Variants in CCDC144A observed in about 807,000 individuals in gnomAD.
CCDC144A encodes coiled-coil domain-containing protein 144A.
Under a neutral mutation model 143.8 loss-of-function variants are expected in CCDC144A, and 41 were observed. The ratio of observed to expected loss-of-function variants is 0.29; its 90% CI spans 0.22 to 0.37. The LOEUF is 0.37. Among genes scored for constraint, CCDC144A ranks in the 10% least tolerant of loss-of-function variants. The probability of loss-of-function intolerance (pLI) is 1.00; values close to 1 mark genes in which losing one functional copy is unlikely to be tolerated. For synonymous variants in CCDC144A, 242 were observed against 517.9 expected (o/e 0.47, Z 7.23); for missense variants, 637 against 1,488.8 (o/e 0.43, Z 9.41).
chr17:16,701,583 T>G (rs1315767663), intron 2 of CCDC144A, among the ~76,000 whole-genome samples: 1 of 148,184 alleles, frequency 6.7e-6, no homozygotes, highest in Non-Finnish European at 1.5e-5. Context: ...TCCAGACTAG[T>G]CATATAGTTG....
chr17:16,773,978 T>A lies in CCDC144A; in HGVS notation c.*345T>A. The A allele has an allele frequency of 4.5e-6, 1 of 221,690 alleles. No homozygotes were observed. The highest frequency in any genetic ancestry group is 8.3e-6 in the Non-Finnish European group (1 of 119,794). The allele number at this position is 221,690 out of a possible 1,614,324, so 13.7% of individuals were successfully genotyped here. On this transcript the variant is annotated 3_prime_UTR_variant, in exon 17 of 17. Coordinates refer to ENST00000399273, the MANE Select transcript of CCDC144A (RefSeq NM_001382000.1). ...ACATAGTGATAGATTTAAGTTTAGA[T>A]AGACATCATTTTGGTATACTGGTAC...
intron 12 of CCDC144A, among the ~76,000 whole-genome samples, chr17:16,747,123 A>G (rs1033414795): frequency 1.1e-4 from 17 of 152,052 alleles, no homozygotes; most frequent in African/African-American, 3.9e-4. Flanking sequence ...TCTTCTGTGT[A>G]TGGATAATCA....
intron 2 of CCDC144A, among the ~76,000 whole-genome samples, chr17:16,696,675 G>C (rs1911433999): frequency 6.6e-6 from 1 of 151,528 alleles, no homozygotes; most frequent in African/African-American, 2.4e-5. Context: ...AGAAAGAAAT[G>C]AGTAGAACTT....
At chr17:16,678,672 C>T in the CCDC144A span, among the ~76,000 whole-genome samples, 2 of 149,032 alleles carry the variant, frequency 1.3e-5, no homozygotes, top group East Asian at 2.0e-4. Flanking sequence ...CCTTGACCTC[C>T]TGGGCTGTGG....
chr17:16,667,242 G>GGGCTGAGGC, the CCDC144A span: 527 of 234,844 alleles, frequency 2.2e-3, 3 homozygotes, highest in African/African-American at 0.011. Context: ...AGAGGCTGAG[G>GGGCTGAGGC]GGCTGAGGCG....
intron 2 of CCDC144A, among the ~76,000 whole-genome samples, chr17:16,703,789 T>A (rs1460663864): frequency 2.0e-5 from 3 of 151,576 alleles, no homozygotes; most frequent in Admixed American, 6.6e-5. Context: ...GGTGACAGAG[T>A]GAGACTCCAT....
chr17:16,733,743 A>C (rs1913862292), intron 11 of CCDC144A, among the ~76,000 whole-genome samples: 1 of 151,854 alleles, frequency 6.6e-6, no homozygotes, highest in Non-Finnish European at 1.5e-5. Flanking sequence ...AGAGCACTAG[A>C]AGTAAAGTAA....
upstream of CCDC144A, among the ~76,000 whole-genome samples, chr17:16,687,567 T>C (rs1247591950): frequency 1.3e-5 from 2 of 152,150 alleles, no homozygotes; most frequent in African/African-American, 4.8e-5. Flanking sequence ...ATCTCTGCCA[T>C]GTTCTCTTCC....
chr17:16,679,194 A>G, the CCDC144A span, among the ~76,000 whole-genome samples: 2 of 151,990 alleles, frequency 1.3e-5, no homozygotes, highest in African/African-American at 2.4e-5. Flanking sequence ...GTGTTATCCT[A>G]TAAAATTTAG....
intron 16 of CCDC144A, among the ~76,000 whole-genome samples, chr17:16,772,909 G>A (rs1470944414): frequency 6.6e-6 from 1 of 152,220 alleles, no homozygotes; most frequent in African/African-American, 2.4e-5. Context: ...TCTTCATCTT[G>A]TAACTCCAGG....
chr17:16,724,405 C>T (rs1270199052), intron 8 of CCDC144A, among the ~76,000 whole-genome samples: 1 of 150,662 alleles, frequency 6.6e-6, no homozygotes, highest in African/African-American at 2.4e-5. Flanking sequence ...GGCGTGGTGG[C>T]AGGCTGAGGC....
At chr17:16,728,403 CAATAT>C (rs1913538709) in intron 9 of CCDC144A, among the ~76,000 whole-genome samples, 1 of 152,034 alleles carries the variant, frequency 6.6e-6, no homozygotes, top group Non-Finnish European at 1.5e-5. Flanking sequence ...ATAAATTCTC[CAATAT>C]AGAATTATTG....
chr17:16,737,854 C>G (rs1370783392), intron 12 of CCDC144A, among the ~76,000 whole-genome samples: 3 of 152,036 alleles, frequency 2.0e-5, no homozygotes, highest in Non-Finnish European at 2.9e-5. Context: ...TTCATTCTGT[C>G]TTTTTCTCCT....
At chr17:16,725,921 T>A (rs1913392186) in intron 8 of CCDC144A, among the ~76,000 whole-genome samples, 1 of 151,686 alleles carries the variant, frequency 6.6e-6, no homozygotes, top group Non-Finnish European at 1.5e-5. Context: ...TCTTTTTCCC[T>A]CTTTGGGGAC....
At chr17:16,710,363 A>C (rs984539535) in intron 5 of CCDC144A, 1 of 149,452 alleles carries the variant, frequency 6.7e-6, no homozygotes, top group Non-Finnish European at 1.5e-5. Context: ...CTCATCTCTT[A>C]CTAAAAAAAA....
At chr17:16,674,278 G>T in the CCDC144A span, among the ~76,000 whole-genome samples, 18 of 152,052 alleles carry the variant, frequency 1.2e-4, no homozygotes, top group African/African-American at 3.6e-4. Flanking sequence ...GTCCAGGCAT[G>T]GTGGCACCAC....
At chr17:16,671,572 C>CA in the CCDC144A span, among the ~76,000 whole-genome samples, 933 of 152,108 alleles carry the variant, frequency 6.1e-3, 7 homozygotes, top group African/African-American at 0.022. Context: ...CACACACAAA[C>CA]ACTCACAGTG....
intron 12 of CCDC144A, among the ~76,000 whole-genome samples, chr17:16,755,523 G>C (rs1158764739): frequency 6.6e-6 from 1 of 152,010 alleles, no homozygotes; most frequent in Non-Finnish European, 1.5e-5. Flanking sequence ...CATTCCTTCA[G>C]GTTTTGCTTG....
At chr17:16,696,588 C>T (rs1264992092) in intron 2 of CCDC144A, among the ~76,000 whole-genome samples, 2 of 147,904 alleles carry the variant, frequency 1.4e-5, no homozygotes, top group Non-Finnish European at 3.0e-5. Flanking sequence ...GAGCCAAGAT[C>T]GCACCACTGC....
Sources: gnomAD v4.1 joint callset for allele counts (sites outside exome capture counted in the v4.1 genomes callset) on GRCh38, gnomAD v4.1.1 for gene constraint, MANE v1.5 for transcripts, NCBI Gene and HGNC (gene_info 2026-07-23, HGNC 2026-07-21) for gene names.